Variants in RGL1 observed in about 807,000 individuals in gnomAD.
RGL1 encodes ral guanine nucleotide dissociation stimulator-like 1.
In RGL1, 24 loss-of-function variants were observed where a neutral mutation model predicts 95.2. The ratio of observed to expected loss-of-function variants is 0.25; its 90% CI spans 0.18 to 0.35. RGL1 has a LOEUF of 0.35. RGL1 is among the 10% of genes least tolerant of loss of function. The probability of loss-of-function intolerance (pLI) is 1.00; values close to 1 mark genes in which losing one functional copy is unlikely to be tolerated. For missense variants in RGL1, 715 were observed against 936.3 expected (o/e 0.76, Z 3.08); for synonymous variants, 329 against 344.9 (o/e 0.95, Z 0.51).
intron 4 of RGL1, among the ~76,000 whole-genome samples, chr1:183,874,614 T>C (rs1666379670): frequency 6.6e-6 from 1 of 152,144 alleles, no homozygotes; most frequent in Non-Finnish European, 1.5e-5. Flanking sequence ...TTCCCTGGTC[T>C]TTTCTCAATC....
At chr1:183,827,313 T>C (rs1002780241) in intron 2 of RGL1, among the ~76,000 whole-genome samples, 17 of 26,986 alleles carry the variant, frequency 6.3e-4, no homozygotes, top group African/African-American at 1.2e-3. Flanking sequence ...GTTAAACGTT[T>C]TGCCTCCTTT....
At chr1:183,668,185 C>A (rs1652177835) in intron 1 of RGL1, among the ~76,000 whole-genome samples, 1 of 152,156 alleles carries the variant, frequency 6.6e-6, no homozygotes, top group Admixed American at 6.5e-5. Flanking sequence ...TGAGCTATAT[C>A]ATTTTCATTC....
At chr1:183,813,750 T>C (rs1661885771) in intron 2 of RGL1, among the ~76,000 whole-genome samples, 1 of 151,750 alleles carries the variant, frequency 6.6e-6, no homozygotes, top group African/African-American at 2.4e-5. Flanking sequence ...TGATACTCTT[T>C]ATCCTAGCAG....
intron 1 of RGL1, among the ~76,000 whole-genome samples, chr1:183,702,485 G>T (rs541910891): frequency 1.3e-5 from 2 of 152,160 alleles, no homozygotes; most frequent in Non-Finnish European, 2.9e-5. Flanking sequence ...TCAGATGAAC[G>T]CTGGTTGCAA....
At chr1:183,842,313 A>G (rs1343209169) in intron 2 of RGL1, among the ~76,000 whole-genome samples, 1 of 139,590 alleles carries the variant, frequency 7.2e-6, no homozygotes, top group Non-Finnish European at 1.5e-5. Flanking sequence ...TGACTGAATT[A>G]TTATTTTGAT....
chr1:183,793,821 A>G (rs1303688889), intron 2 of RGL1, among the ~76,000 whole-genome samples: 6 of 152,190 alleles, frequency 3.9e-5, no homozygotes, highest in Non-Finnish European at 8.8e-5. Flanking sequence ...GATAACCATT[A>G]TGGAAAACAG....
At chr1:183,678,128 G>A (rs1039922252) in intron 1 of RGL1, among the ~76,000 whole-genome samples, 1 of 152,100 alleles carries the variant, frequency 6.6e-6, no homozygotes, top group Admixed American at 6.6e-5. Context: ...GGGACACTGT[G>A]CAGTTTTTTT....
chr1:183,821,769 C>A (rs1662506985), intron 2 of RGL1, among the ~76,000 whole-genome samples: 1 of 151,984 alleles, frequency 6.6e-6, no homozygotes, highest in Admixed American at 6.6e-5. Flanking sequence ...TCCCTGGAGT[C>A]CAAGAATGAC....
chr1:183,686,101 G>C lies in RGL1; in HGVS notation c.-33+49600G>C, dbSNP rs532414796. ...TGGATCATCTTGAAAATAGTTCATG[G>C]GTTACTATTTTTTTCATTAGTTATA... On this transcript the variant is annotated intron_variant, in intron 1 of 18. Transcript: ENST00000304685. Among the ~76,000 whole-genome samples, 166 of 152,058 alleles carry C rather than the reference G, an allele frequency of 1.1e-3. 2 individuals carry two copies. Among genetic ancestry groups the C allele is most frequent in the Admixed American group, 0.01 (156 of 15,272 alleles).
At chr1:183,653,607 T>C (rs1225243897) in intron 1 of RGL1, among the ~76,000 whole-genome samples, 2 of 152,188 alleles carry the variant, frequency 1.3e-5, no homozygotes, top group East Asian at 3.9e-4. Context: ...TGCCAGGGCT[T>C]CTCCTTGGGA....
At chr1:183,864,128 T>C (rs1221787659) in intron 3 of RGL1, among the ~76,000 whole-genome samples, 1 of 152,112 alleles carries the variant, frequency 6.6e-6, no homozygotes, top group Non-Finnish European at 1.5e-5. Flanking sequence ...AGATAAAGAA[T>C]AGAGAGATCT....
chr1:183,851,985 T>C (rs951116436), intron 3 of RGL1, among the ~76,000 whole-genome samples: 68 of 152,384 alleles, frequency 4.5e-4, no homozygotes, highest in African/African-American at 1.6e-3. Flanking sequence ...TATGGGTCTC[T>C]GACATAATTT....
rs1667016103 is a variant in RGL1, at chr1:183,884,725, A to G, written c.738A>G (p.Gln246=). 6.2e-7 allele frequency: 1 copy of G among 1,613,594 alleles called. No homozygotes were observed. The highest frequency in any genetic ancestry group is 8.5e-7 in the Non-Finnish European group (1 of 1,179,824). The change falls in exon 7 of 18, where the codon CAA becomes CAG. Residue 246 remains glutamine, a splice_region_variant and synonymous_variant. Transcript: ENST00000360851. ...VAEQLTYMDA[Q]LFKKVVPHHC... The stretch of plus-strand genomic sequence containing the variant: ...AGTCAGTTCCTCTTTTGTTCCAGCA[A>G]CTCTTCAAGAAAGTAGTGCCTCACC...
chr1:183,870,896 C>T (rs114587391), intron 4 of RGL1, among the ~76,000 whole-genome samples: 1,874 of 152,202 alleles, frequency 0.012, 40 homozygotes, highest in African/African-American at 0.043. Context: ...GAGGGAAAGG[C>T]CCTGGTGAAG....
At chr1:183,715,671 A>T (rs1234445001) in intron 1 of RGL1, among the ~76,000 whole-genome samples, 1 of 152,080 alleles carries the variant, frequency 6.6e-6, no homozygotes, top group Non-Finnish European at 1.5e-5. Context: ...ATCTTCAGAT[A>T]CATATTAGTC....
At chr1:183,771,914 G>A (rs555574107) in intron 2 of RGL1, among the ~76,000 whole-genome samples, 1 of 152,336 alleles carries the variant, frequency 6.6e-6, no homozygotes, top group Non-Finnish European at 1.5e-5. Flanking sequence ...ACAAGTGGCT[G>A]GACGGTGAGA....
At chr1:183,855,873 A>G (rs1665109615) in intron 3 of RGL1, among the ~76,000 whole-genome samples, 1 of 152,178 alleles carries the variant, frequency 6.6e-6, no homozygotes, top group African/African-American at 2.4e-5. Context: ...CATCACTTAC[A>G]TAGGAAATTT....
At chr1:183,647,935 G>C in intron 1 of RGL1, 1 of 1,614,212 alleles carries the variant, frequency 6.2e-7, no homozygotes, top group Non-Finnish European at 8.5e-7. Flanking sequence ...TCTGGAGGTA[G>C]GTTGGGTTGG....
intron 1 of RGL1, among the ~76,000 whole-genome samples, chr1:183,701,161 G>A (rs1654576994): frequency 6.6e-6 from 1 of 152,174 alleles, no homozygotes; most frequent in African/African-American, 2.4e-5. Context: ...TTGATCAATT[G>A]TTGCCCTTGA....
Sources: allele counts gnomAD v4.1 joint callset (sites outside exome capture counted in the v4.1 genomes callset), GRCh38; gene constraint gnomAD v4.1.1; transcripts MANE v1.5; gene names NCBI Gene and HGNC (gene_info 2026-07-23, HGNC 2026-07-21).